GDA: variants seen among roughly 807,000 people sequenced by gnomAD.
GDA encodes cytoplasmic PSD-95 interactor.
In GDA, 18 loss-of-function variants were observed where a neutral mutation model predicts 59.6. That is an observed-to-expected ratio of 0.30 (90% CI 0.21 to 0.45). The LOEUF (loss-of-function observed/expected upper bound fraction) is 0.45, where lower values mean the gene tolerates loss of function less well. Among genes scored for constraint, GDA ranks in the 20% least tolerant of loss-of-function variants. The pLI, the probability that GDA is intolerant of heterozygous loss-of-function variation, is 1.00. For missense variants in GDA, 427 were observed against 552.3 expected (o/e 0.77, Z 2.27); for synonymous variants, 201 against 201.1 (o/e 1.00, Z 0.00).
rs1401655491 is a variant in GDA at position 72,195,528 on chromosome 9, A to C, written c.152A>C (p.Gln51Pro). Residue 51 changes from glutamine (Q) to proline (P), a missense_variant, in exon 2 of 14, where the codon CAG becomes CCG. Physicochemically the swap from Gln to Pro is moderately conservative, Grantham distance 76. Coordinates refer to ENST00000358399, the MANE Select transcript of GDA (RefSeq NM_004293.5). ...KIVFLEEASQ[Q>P]EKLAKEWCFK... ...GTGTTTTTAGAAGAAGCATCTCAAC[A>C]GGAAAAACTGGCCAAAGAATGGTGC... 2.5e-6 allele frequency: 4 copies of C among 1,568,644 alleles called. No individual in the cohort carries two copies. The highest frequency in any genetic ancestry group is 1.4e-5 in the African/African-American group (1 of 73,992).
At chr9:72,168,780 A>G (rs545438586) in intron 1 of GDA, among the ~76,000 whole-genome samples, 3 of 152,308 alleles carry the variant, frequency 2.0e-5, no homozygotes, top group Admixed American at 6.5e-5. Flanking sequence ...CTATAAATTA[A>G]CTATTCTTTA....
At chr9:72,156,859 T>G (rs866507474) in intron 1 of GDA, among the ~76,000 whole-genome samples, 9 of 152,076 alleles carry the variant, frequency 5.9e-5, no homozygotes, top group Non-Finnish European at 1.5e-5. Flanking sequence ...AGCCCTGCCT[T>G]TTTTGGATAC....
chr9:72,190,818 T>TA (rs10548640), intron 1 of GDA, among the ~76,000 whole-genome samples: 2 of 151,438 alleles, frequency 1.3e-5, no homozygotes, highest in African/African-American at 4.8e-5. Context: ...ATAAGAAAAT[T>TA]AAAAAAAAAA....
downstream of GDA, among the ~76,000 whole-genome samples, chr9:72,252,896 C>T (rs555361646): frequency 6.6e-6 from 1 of 152,138 alleles, no homozygotes; most frequent in Non-Finnish European, 1.5e-5. Flanking sequence ...ACATAGACAG[C>T]ACTTAAGCTA....
intron 1 of GDA, among the ~76,000 whole-genome samples, chr9:72,143,467 G>A (rs552666854): frequency 6.6e-6 from 1 of 152,192 alleles, no homozygotes; most frequent in Non-Finnish European, 1.5e-5. Flanking sequence ...ATGGTAGGAA[G>A]CCGGCATCAG....
upstream of GDA, among the ~76,000 whole-genome samples, chr9:72,148,234 G>A (rs1170854844): frequency 1.3e-5 from 2 of 151,882 alleles, no homozygotes; most frequent in Non-Finnish European, 2.9e-5. Context: ...CAATAAACAT[G>A]TATGGAACAC....
At chr9:72,245,804 T>C (rs1840077380) in intron 12 of GDA, among the ~76,000 whole-genome samples, 1 of 152,178 alleles carries the variant, frequency 6.6e-6, no homozygotes, top group African/African-American at 2.4e-5. Context: ...TCAATGTTTT[T>C]AATTTTATAA....
chr9:72,197,531 G>C (rs1307773040), intron 2 of GDA: 2 of 152,094 alleles, frequency 1.3e-5, no homozygotes, highest in African/African-American at 4.8e-5. Flanking sequence ...GGAAACGGTT[G>C]GAGGATGGAG....
At chr9:72,181,546 A>G (rs946866474) in intron 1 of GDA, among the ~76,000 whole-genome samples, 217 of 152,242 alleles carry the variant, frequency 1.4e-3, no homozygotes, top group African/African-American at 5.1e-3. Flanking sequence ...GCTTGTCTTG[A>G]ACTTCTGACC....
intron 1 of GDA, among the ~76,000 whole-genome samples, chr9:72,124,335 G>A (rs771205900): frequency 3.3e-5 from 5 of 152,008 alleles, no homozygotes; most frequent in South Asian, 2.1e-4. Context: ...AATTGCAAAC[G>A]CCTCAGTATT....
chr9:72,223,309 T>C (rs937890095), intron 7 of GDA, 82 bp downstream of exon 7: 40 of 767,568 alleles, frequency 5.2e-5, no homozygotes, highest in Non-Finnish European at 8.7e-5. Context: ...TCCAATAATC[T>C]GTAGTTGTTT....
intron 5 of GDA, among the ~76,000 whole-genome samples, chr9:72,216,648 C>T (rs774322896): frequency 2.0e-5 from 3 of 151,732 alleles, no homozygotes; most frequent in African/African-American, 2.4e-5. Flanking sequence ...AGAACACCAG[C>T]GATTGCCTGG....
At chr9:72,123,463 G>A (rs1286336407) in intron 1 of GDA, among the ~76,000 whole-genome samples, 5 of 146,892 alleles carry the variant, frequency 3.4e-5, no homozygotes, top group African/African-American at 1.0e-4. Flanking sequence ...GATGACAGGC[G>A]TAAGCCACCA....
intron 10 of GDA, among the ~76,000 whole-genome samples, chr9:72,232,646 A>T (rs1378673360): frequency 2.0e-5 from 3 of 152,238 alleles, no homozygotes; most frequent in African/African-American, 7.2e-5. Flanking sequence ...GTTTTCAGAT[A>T]TTCTAGGATT....
At position 72,228,113 on chromosome 9, in the gene GDA, C is replaced by A. The variant is rs907537604; in HGVS notation, c.920+73C>A. 3.6e-6 allele frequency: 3 copies of A among 826,010 alleles called. No homozygotes were observed. In the Admixed American group the frequency reaches 5.9e-5, roughly 16 times the overall value. 51.2% of individuals were successfully genotyped at this position (826,010 alleles called of 1,614,324 possible). A position where few individuals can be genotyped will look rare whatever the true frequency, so the allele number is the denominator to read the frequency against. ...GATTAGCAGCCAAATGCCTTTGTTT[C>A]CTCTGTCATTCCTCCAGGATCTCCC... On this transcript the variant is annotated intron_variant, in intron 9 of 13. Coordinates refer to ENST00000358399, the MANE Select transcript of GDA (RefSeq NM_004293.5).
At chr9:72,124,614 G>A (rs1384287357) in intron 1 of GDA, among the ~76,000 whole-genome samples, 1 of 152,162 alleles carries the variant, frequency 6.6e-6, no homozygotes, top group East Asian at 1.9e-4. Context: ...CAAACAGGCT[G>A]CCTTCCTAGT....
intron 11 of GDA, 93 bp from the exon 12 acceptor site, chr9:72,245,055 C>T: frequency 1.2e-5 from 14 of 1,196,086 alleles, no homozygotes; most frequent in Non-Finnish European, 1.4e-5. Flanking sequence ...TTTCTCCTAG[C>T]GACATGTTGG....
chr9:72,180,523 T>A (rs1831062523), intron 1 of GDA, among the ~76,000 whole-genome samples: 1 of 151,932 alleles, frequency 6.6e-6, no homozygotes, highest in African/African-American at 2.4e-5. Context: ...AGAGAGAGAG[T>A]GAGTGCTTTT....
chr9:72,167,815 A>T (rs1829497162), intron 1 of GDA, among the ~76,000 whole-genome samples: 1 of 152,244 alleles, frequency 6.6e-6, no homozygotes, highest in Non-Finnish European at 1.5e-5. Flanking sequence ...CCCTTATCAT[A>T]CATGCAGAAA....
Sources: gnomAD v4.1 joint callset for allele counts (sites outside exome capture counted in the v4.1 genomes callset) on GRCh38, gnomAD v4.1.1 for gene constraint, MANE v1.5 for transcripts, NCBI Gene and HGNC (gene_info 2026-07-23, HGNC 2026-07-21) for gene names.